The following MYPN variants were observed in gnomAD, a reference collection of about 807,000 sequenced individuals.
The protein encoded by MYPN is sarcomeric protein myopalladin, 145 kDa (MYOP).
In MYPN, 63 loss-of-function variants were observed where a neutral mutation model predicts 129.4. The ratio of observed to expected loss-of-function variants is 0.49; its 90% CI spans 0.40 to 0.60. MYPN has a LOEUF of 0.60. Ranked by LOEUF, MYPN falls within the 20% of genes least tolerant of loss-of-function variation. The probability of loss-of-function intolerance (pLI) is 0.00; values close to 1 mark genes in which losing one functional copy is unlikely to be tolerated. For missense variants in MYPN, 1,596 were observed against 1,635.4 expected, an observed-to-expected ratio of 0.98 and a Z score of 0.42; for synonymous variants, 629 against 600.9, an observed-to-expected ratio of 1.05 and a Z score of -0.68.
chr10:68,151,764 A>G (rs1016182704), intron 6 of MYPN, among the ~76,000 whole-genome samples: 2 of 152,204 alleles, frequency 1.3e-5, no homozygotes, highest in African/African-American at 4.8e-5. Context: ...GACAGGTGAC[A>G]TCAGAGGGAT....
rs560119421 is a variant in MYPN, at chr10:68,122,243, C to A, written c.805C>A (p.Pro269Thr). The A allele has an allele frequency of 6.2e-7, 1 of 1,613,328 alleles. No individual in the cohort carries two copies. Among genetic ancestry groups the A allele is most frequent in the African/African-American group, 1.3e-5 (1 of 75,030 alleles). ...CTATGAAGAACCTCTGGGGCAACCT[C>A]CCCGGTTCACTCAAAAGTTACGGAG... ...LYYEEPLGQP[P>T]RFTQKLRSRE... is the part of the protein sequence containing the mutation. The change falls in exon 2 of 20, where the codon CCC (proline) becomes ACC (threonine). Residue 269 changes from proline to threonine, a missense_variant. Transcript: ENST00000358913.
intron 12 of MYPN, among the ~76,000 whole-genome samples, chr10:68,182,308 CACACATATATATAACAT>C: frequency 3.2e-5 from 1 of 31,622 alleles, no homozygotes; most frequent in Admixed American, 4.4e-4. Flanking sequence ...ATATATAACA[CACACATATATATAACAT>C]ATATATAACA....
intron 1 of MYPN, among the ~76,000 whole-genome samples, chr10:68,121,231 T>C (rs374936646): frequency 1.3e-5 from 2 of 152,146 alleles, no homozygotes; most frequent in African/African-American, 4.8e-5. Flanking sequence ...TGAGCCGAGA[T>C]TGCATCACTG....
At chr10:68,115,250 C>T (rs922938388) in intron 1 of MYPN, among the ~76,000 whole-genome samples, 14 of 137,300 alleles carry the variant, frequency 1.0e-4, no homozygotes, top group African/African-American at 3.6e-4. Context: ...CAAAGTGAAA[C>T]TCCATCTCAA....
In MYPN at chr10:68,130,880, A is replaced by C. The variant is rs151289687; in HGVS notation, c.902+8540A>C. The stretch of plus-strand genomic sequence containing the variant: ...CAATATTCTAGCACCAGTTGATGGA[A>C]AAGTATATCTTTTCCCCACTGATCT... On this transcript the variant is annotated intron_variant, in intron 2 of 19. Coordinates refer to ENST00000358913, the MANE Select transcript of MYPN (RefSeq NM_032578.4). Among the ~76,000 whole-genome samples, 1,098 of 152,318 alleles carry C rather than the reference A, an allele frequency of 7.2e-3. 3 individuals carry two copies. Among genetic ancestry groups the C allele is most frequent in the Middle Eastern group, 0.02 (6 of 294 alleles).
intron 2 of MYPN, among the ~76,000 whole-genome samples, chr10:68,125,694 TCAA>T (rs1393698846): frequency 6.6e-6 from 1 of 152,148 alleles, no homozygotes; most frequent in Non-Finnish European, 1.5e-5. Context: ...ACTAGAAAAG[TCAA>T]AGAAGTCTTC....
chr10:68,188,534 G>GT (rs2043458312), intron 12 of MYPN, among the ~76,000 whole-genome samples: 1 of 152,102 alleles, frequency 6.6e-6, no homozygotes, highest in African/African-American at 2.4e-5. Context: ...ATGCAGGCAT[G>GT]TATCAGAATG....
intron 2 of MYPN, among the ~76,000 whole-genome samples, chr10:68,123,710 TAA>T (rs2042285273): frequency 6.6e-6 from 1 of 150,588 alleles, no homozygotes; most frequent in Admixed American, 6.6e-5. Context: ...AATAAATAAA[TAA>T]ATAAATAAAT....
intron 12 of MYPN, among the ~76,000 whole-genome samples, chr10:68,176,480 G>A (rs764344858): frequency 1.2e-4 from 19 of 152,128 alleles, no homozygotes; most frequent in Non-Finnish European, 1.9e-4. Flanking sequence ...CAAAGCTCTC[G>A]ACTTCCCAGA....
chr10:68,122,473 C>T, intron 2 of MYPN, 133 bp downstream of exon 2: 1 of 864,632 alleles, frequency 1.2e-6, no homozygotes, highest in East Asian at 2.6e-5. Context: ...GTATCTAAAG[C>T]AGCTTGGTCC....
intron 1 of MYPN, among the ~76,000 whole-genome samples, chr10:68,094,931 G>A (rs1197353104): frequency 1.3e-5 from 2 of 152,018 alleles, no homozygotes; most frequent in East Asian, 1.9e-4. Flanking sequence ...GCATGGTGGC[G>A]GGTGCTGTAA....
intron 7 of MYPN, among the ~76,000 whole-genome samples, chr10:68,159,285 TC>T (rs1188439730): frequency 6.6e-6 from 1 of 152,148 alleles, no homozygotes; most frequent in East Asian, 1.9e-4. Flanking sequence ...GGGACACACG[TC>T]GCCCTAGCTA....
chr10:68,154,459 T>G (rs1194490613), intron 6 of MYPN, among the ~76,000 whole-genome samples: 1 of 152,122 alleles, frequency 6.6e-6, no homozygotes, highest in African/African-American at 2.4e-5. Context: ...ACTGGGCCGG[T>G]AGTGGGATCC....
At chr10:68,129,705 G>A (rs1458156846) in intron 2 of MYPN, among the ~76,000 whole-genome samples, 1 of 152,096 alleles carries the variant, frequency 6.6e-6, no homozygotes, top group Non-Finnish European at 1.5e-5. Flanking sequence ...AAGAGTTTTG[G>A]TTGTTCTACA....
intron 1 of MYPN, among the ~76,000 whole-genome samples, chr10:68,093,480 T>C (rs1199764516): frequency 1.3e-5 from 2 of 150,616 alleles, no homozygotes; most frequent in Non-Finnish European, 2.9e-5. Context: ...GGCTCATGCC[T>C]GTAATCCCAG....
intron 7 of MYPN, among the ~76,000 whole-genome samples, chr10:68,161,270 C>T (rs1474513684): frequency 6.6e-6 from 1 of 152,076 alleles, no homozygotes; most frequent in African/African-American, 2.4e-5. Context: ...CTAAGGCGGG[C>T]AGATTACCTG....
rs930029760 is a variant in MYPN, at chr10:68,141,268, C to T, written c.903-1672C>T. On this transcript the variant is annotated intron_variant, in intron 2 of 19. Transcript: ENST00000358913. ...CCTGTAGCCCCTGCTACTCGGGAGG[C>T]TGAGGCAGGAGAATTGCTTGAACCC... Among the ~76,000 whole-genome samples the T allele has an allele frequency of 2.0e-5, 3 of 151,782 alleles. No individual in the cohort carries two copies. In the East Asian group the frequency reaches 5.8e-4, roughly 29 times the overall value.
chr10:68,151,409 T>C (rs966239422), intron 6 of MYPN, among the ~76,000 whole-genome samples: 1 of 152,192 alleles, frequency 6.6e-6, no homozygotes, highest in African/African-American at 2.4e-5. Flanking sequence ...AGATTTTAGC[T>C]TTACTATTTT....
chr10:68,118,210 A>G (rs1308189460), intron 1 of MYPN, among the ~76,000 whole-genome samples: 1 of 152,176 alleles, frequency 6.6e-6, no homozygotes, highest in Admixed American at 6.5e-5. Flanking sequence ...AAACTTTTTT[A>G]AAGTTCTTCA....
Sources: allele counts gnomAD v4.1 joint callset (sites outside exome capture counted in the v4.1 genomes callset), GRCh38; gene constraint gnomAD v4.1.1; transcripts MANE v1.5; gene names NCBI Gene and HGNC (gene_info 2026-07-23, HGNC 2026-07-21).